VPS41: variants seen among roughly 807,000 people sequenced by gnomAD.
VPS41 encodes the protein VPS41 subunit of HOPS complex.
Under a neutral mutation model 130.9 loss-of-function variants are expected in VPS41, and 85 were observed. That is an observed-to-expected ratio of 0.65 (90% confidence interval 0.55 to 0.78). VPS41 has a LOEUF of 0.78. Ranked by LOEUF, VPS41 falls within the 30% of genes least tolerant of loss-of-function variation. The probability of loss-of-function intolerance (pLI) is 0.00; values close to 1 mark genes in which losing one functional copy is unlikely to be tolerated. For missense variants in VPS41, 874 were observed against 1,018.7 expected, an observed-to-expected ratio of 0.86 and a Z score of 1.93; for synonymous variants, 335 against 332.9, an observed-to-expected ratio of 1.01 and a Z score of -0.07.
intron 4 of VPS41, among the ~76,000 whole-genome samples, chr7:38,859,616 C>A (rs1456024331): frequency 6.6e-6 from 1 of 152,150 alleles, no homozygotes; most frequent in African/African-American, 2.4e-5. Context: ...CTAGAAGCAA[C>A]AGGCTATACC....
chr7:38,846,503 G>C (rs558402585), intron 4 of VPS41, among the ~76,000 whole-genome samples: 29 of 152,348 alleles, frequency 1.9e-4, no homozygotes, highest in Admixed American at 1.8e-3. Context: ...TCTGGATACA[G>C]TGTAGGCGCA....
intron 2 of VPS41, among the ~76,000 whole-genome samples, chr7:38,874,749 C>T (rs1051216079): frequency 6.6e-6 from 1 of 152,104 alleles, no homozygotes; most frequent in African/African-American, 2.4e-5. Context: ...AAAAGAAAAT[C>T]GATAACCAAC....
chr7:38,852,113 C>A (rs902016451), intron 4 of VPS41, among the ~76,000 whole-genome samples: 7 of 152,210 alleles, frequency 4.6e-5, no homozygotes, highest in African/African-American at 1.7e-4. Flanking sequence ...CATGGACCCT[C>A]AGCTCATGTA....
At chr7:38,786,817 T>C (rs1047182358) in intron 10 of VPS41, among the ~76,000 whole-genome samples, 4 of 152,030 alleles carry the variant, frequency 2.6e-5, no homozygotes, top group African/African-American at 4.8e-5. Flanking sequence ...ACCACATCAC[T>C]CCTGGGCACA....
At chr7:38,792,702 T>A (rs1449944021) in intron 9 of VPS41, among the ~76,000 whole-genome samples, 1 of 152,150 alleles carries the variant, frequency 6.6e-6, no homozygotes, top group African/African-American at 2.4e-5. Flanking sequence ...TTAGATCACT[T>A]AACTGACTCC....
rs141767443 is a variant in VPS41, at chr7:38,829,543, C to A, written c.321+711G>T. On this transcript the variant is annotated intron_variant, in intron 5 of 28. Coordinates refer to ENST00000310301, the MANE Select transcript of VPS41 (RefSeq NM_014396.4). ...TGCATTAGGATTTTATCATTGCAAA[C>A]CAACATTAGAAAAGATTTCCATCGA... 3.4e-4 allele frequency among the ~76,000 whole-genome samples: 51 copies of A among 152,162 alleles called. No homozygotes were observed. The South Asian group carries it at 0.01, about 30-fold the overall frequency.
intron 24 of VPS41, among the ~76,000 whole-genome samples, chr7:38,742,330 T>C: frequency 6.6e-6 from 1 of 152,196 alleles, no homozygotes; most frequent in East Asian, 1.9e-4. Flanking sequence ...CCTTAAGACA[T>C]GAAGGAGAAA....
At chr7:38,848,337 T>C (rs191505782) in intron 4 of VPS41, among the ~76,000 whole-genome samples, 65 of 152,314 alleles carry the variant, frequency 4.3e-4, no homozygotes, top group Middle Eastern at 3.4e-3. Context: ...AGCTGAGGGA[T>C]AGGGAGGCAG....
chr7:38,809,240 T>C (rs1195784139), intron 7 of VPS41, among the ~76,000 whole-genome samples: 1 of 151,218 alleles, frequency 6.6e-6, no homozygotes. Flanking sequence ...ATCCTAGCAC[T>C]TTGGGAGGCC....
intron 25 of VPS41, among the ~76,000 whole-genome samples, chr7:38,731,054 A>T (rs906134544): frequency 6.6e-6 from 1 of 152,254 alleles, no homozygotes; most frequent in Non-Finnish European, 1.5e-5. Context: ...AGGGGAAAGT[A>T]CACAAATACA....
intron 1 of VPS41, among the ~76,000 whole-genome samples, chr7:38,907,571 G>A (rs531226304): frequency 1.3e-5 from 2 of 152,158 alleles, no homozygotes; most frequent in East Asian, 3.9e-4. Flanking sequence ...AATATGGAAG[G>A]GTTTTTAAAA....
At chr7:38,746,762 C>T (rs773623908) in intron 22 of VPS41, among the ~76,000 whole-genome samples, 3 of 152,162 alleles carry the variant, frequency 2.0e-5, no homozygotes, top group Non-Finnish European at 4.4e-5. Context: ...ACAAGGCATC[C>T]ACAACCTAGC....
intron 1 of VPS41, 115 bp downstream of exon 1, chr7:38,909,039 T>A: frequency 2.3e-4 from 200 of 867,232 alleles, no homozygotes; most frequent in Non-Finnish European, 3.2e-4. Context: ...GCCGCGGACC[T>A]GCCTTGCGCT....
At chr7:38,876,858 C>T (rs1786502999) in intron 2 of VPS41, among the ~76,000 whole-genome samples, 1 of 152,106 alleles carries the variant, frequency 6.6e-6, no homozygotes, top group African/African-American at 2.4e-5. Context: ...TGCCCTAAGC[C>T]ACATACCATA....
intron 1 of VPS41, among the ~76,000 whole-genome samples, chr7:38,900,864 A>G (rs1787125267): frequency 6.6e-6 from 1 of 152,242 alleles, no homozygotes; most frequent in African/African-American, 2.4e-5. Flanking sequence ...GTCAAGAATT[A>G]GGCTGGTCTG....
chr7:38,818,366 C>G (rs1785103924), intron 6 of VPS41, among the ~76,000 whole-genome samples: 1 of 152,150 alleles, frequency 6.6e-6, no homozygotes, highest in Non-Finnish European at 1.5e-5. Flanking sequence ...ACACCAAGAC[C>G]CCATCAATGG....
At chr7:38,726,406 G>A (rs546379888) in intron 28 of VPS41, 80 bp from the exon 29 acceptor site, 106 of 1,084,318 alleles carry the variant, frequency 9.8e-5, no homozygotes, top group African/African-American at 8.7e-4. Flanking sequence ...CTAAGGTAGC[G>A]TTAGTCAGGG....
chr7:38,773,319 CT>C (rs11323635), intron 12 of VPS41, among the ~76,000 whole-genome samples: 97,938 of 152,030 alleles, frequency 0.64, 32,920 homozygotes, highest in East Asian at 0.88. Flanking sequence ...AGATTGGACA[CT>C]TTTCAGTTGT....
intron 10 of VPS41, among the ~76,000 whole-genome samples, chr7:38,780,292 C>T (rs1784333633): frequency 6.6e-6 from 1 of 151,242 alleles, no homozygotes; most frequent in South Asian, 2.1e-4. Flanking sequence ...CCAGCTGAGG[C>T]TCAGCTCGCG....
Sources: allele counts gnomAD v4.1 joint callset (sites outside exome capture counted in the v4.1 genomes callset), GRCh38; gene constraint gnomAD v4.1.1; transcripts MANE v1.5; gene names NCBI Gene and HGNC (gene_info 2026-07-23, HGNC 2026-07-21).